ZNRF3: variants seen among roughly 807,000 people sequenced by gnomAD.
The protein encoded by ZNRF3 is zinc and ring finger 3.
In ZNRF3, 23 loss-of-function variants were observed where a neutral mutation model predicts 72.5. That is an observed-to-expected ratio of 0.32 (90% CI 0.23 to 0.45). ZNRF3 has a LOEUF of 0.45. Ranked by LOEUF, ZNRF3 falls within the 20% of genes least tolerant of loss-of-function variation. The pLI is 1.00. For synonymous variants in ZNRF3, 610 were observed against 545.3 expected (o/e 1.12, Z -1.65); for missense variants, 1,169 against 1,272.1 (o/e 0.92, Z 1.23).
At chr22:28,926,892 C>T (rs1335120483) in intron 1 of ZNRF3, among the ~76,000 whole-genome samples, 4 of 150,472 alleles carry the variant, frequency 2.7e-5, no homozygotes, top group African/African-American at 4.9e-5. Flanking sequence ...GAGGCTGAGG[C>T]GGGAGGATCA....
chr22:29,046,679 T>C, intron 5 of ZNRF3, 37 bp from the exon 6 acceptor site: 1 of 1,547,802 alleles, frequency 6.5e-7, no homozygotes. Context: ...CTTTCATACG[T>C]ACTGGACCCT....
chr22:29,034,999 CT>C (rs10607848), intron 2 of ZNRF3, among the ~76,000 whole-genome samples: 5,401 of 131,096 alleles, frequency 0.041, 187 homozygotes, highest in African/African-American at 0.091. Context: ...TTTGTTAGAC[CT>C]TTTTTTTTTT....
intron 4 of ZNRF3, 123 bp from the exon 5 acceptor site, chr22:29,044,657 G>T: frequency 1.4e-6 from 1 of 703,686 alleles, no homozygotes; most frequent in Admixed American, 2.1e-5. Flanking sequence ...GGAGTTTCCT[G>T]CAAATTGAGG....
chr22:29,052,653 A>C (rs1423155894), intron 8 of ZNRF3, among the ~76,000 whole-genome samples: 1 of 149,668 alleles, frequency 6.7e-6, no homozygotes, highest in African/African-American at 2.5e-5. Flanking sequence ...AGATCGCCCC[A>C]TCGTACTCCA....
At chr22:28,904,375 CT>C (rs1427854929) in intron 1 of ZNRF3, among the ~76,000 whole-genome samples, 1 of 152,180 alleles carries the variant, frequency 6.6e-6, no homozygotes, top group African/African-American at 2.4e-5. Flanking sequence ...ATTTAATGCC[CT>C]TATTAAAACT....
intron 1 of ZNRF3, among the ~76,000 whole-genome samples, chr22:28,926,317 A>G (rs372599574): frequency 9.2e-5 from 14 of 152,210 alleles, no homozygotes; most frequent in African/African-American, 3.4e-4. Flanking sequence ...TTTGAAGAAA[A>G]ATCTCTAAAC....
chr22:28,951,114 GTTAT>G (rs1272493185), intron 1 of ZNRF3, among the ~76,000 whole-genome samples: 1 of 152,132 alleles, frequency 6.6e-6, no homozygotes, highest in Non-Finnish European at 1.5e-5. Flanking sequence ...GGCTTCTGTA[GTTAT>G]TTAGTGTGAA....
At chr22:28,942,453 T>C (rs893297656) in intron 1 of ZNRF3, among the ~76,000 whole-genome samples, 3 of 152,224 alleles carry the variant, frequency 2.0e-5, no homozygotes, top group African/African-American at 4.8e-5. Context: ...TTCTTGTCCC[T>C]AGACCTTCAT....
At position 29,048,344 on chromosome 22, in the gene ZNRF3, C is replaced by A; in HGVS notation, c.913-45C>A. On this transcript the variant is annotated intron_variant, in intron 6 of 8. Transcript: ENST00000544604. This position sits in a 1 kb window ranked among gnomAD's most constrained non-coding sequence, Gnocchi z 4.9. Reference sequence around the variant, plus strand: ...TGCTGGACTCTGCAGGAGGACACACCTGCGAGGCTGAAGGCAGACTTGTGT... The same window carrying A: ...TGCTGGACTCTGCAGGAGGACACACATGCGAGGCTGAAGGCAGACTTGTGT... 1 of 1,559,766 alleles carries A rather than the reference C, an allele frequency of 6.4e-7. No individual in the cohort carries two copies. The highest frequency in any genetic ancestry group is 8.8e-7 in the Non-Finnish European group (1 of 1,132,800).
intron 1 of ZNRF3, among the ~76,000 whole-genome samples, chr22:28,950,551 C>T (rs1267775784): frequency 6.6e-6 from 1 of 152,156 alleles, no homozygotes; most frequent in Admixed American, 6.5e-5. Flanking sequence ...CCTTTCCTTT[C>T]TAACAAGAAA....
intron 1 of ZNRF3, among the ~76,000 whole-genome samples, chr22:28,944,163 A>C (rs532506343): frequency 1.3e-5 from 2 of 152,320 alleles, no homozygotes; most frequent in African/African-American, 2.4e-5. Context: ...TAGCAGTACA[A>C]TGTATCAAGA....
At chr22:28,951,019 T>C (rs1414992454) in intron 1 of ZNRF3, among the ~76,000 whole-genome samples, 3 of 152,264 alleles carry the variant, frequency 2.0e-5, no homozygotes, top group African/African-American at 7.2e-5. Flanking sequence ...GCACCTTGCC[T>C]GTGTTTCTCT....
At chr22:28,968,923 A>C (rs921278340) in intron 1 of ZNRF3, among the ~76,000 whole-genome samples, 33 of 152,152 alleles carry the variant, frequency 2.2e-4, no homozygotes, top group Non-Finnish European at 5.9e-5. Flanking sequence ...TTACTTCTCC[A>C]AGGACCTGTA....
At chr22:29,006,703 A>C (rs2123849088) in intron 2 of ZNRF3, among the ~76,000 whole-genome samples, 1 of 152,300 alleles carries the variant, frequency 6.6e-6, no homozygotes, top group East Asian at 1.9e-4. Context: ...GTATTACTAG[A>C]ATAAAGTGCA....
chr22:28,979,724 G>T (rs1378770417), intron 1 of ZNRF3, among the ~76,000 whole-genome samples: 1 of 152,202 alleles, frequency 6.6e-6, no homozygotes, highest in African/African-American at 2.4e-5. Flanking sequence ...CCAGGCCAGA[G>T]GTCATTTGTT....
chr22:29,052,446 GC>G lies in ZNRF3; in HGVS notation c.2768-1132del, dbSNP rs530683491. On this transcript the variant is annotated intron_variant, in intron 8 of 8. Coordinates refer to ENST00000544604, the MANE Select transcript of ZNRF3 (RefSeq NM_001206998.2). ...GCGGTGATTCACGCCTGTAATCCCA[GC>G]ACTTTGGGAGGCCAAGGCAGGCAGA... Among the ~76,000 whole-genome samples the G allele has an allele frequency of 4.4e-3, 663 of 152,326 alleles. 3 individuals carry two copies. Among genetic ancestry groups the G allele is most frequent in the Non-Finnish European group, 7.6e-3 (517 of 68,036 alleles).
At chr22:28,945,687 G>A (rs770355022) in intron 1 of ZNRF3, among the ~76,000 whole-genome samples, 5 of 152,002 alleles carry the variant, frequency 3.3e-5, no homozygotes, top group Non-Finnish European at 5.9e-5. Context: ...GCACCACCAC[G>A]CTGAGCTAAT....
At chr22:28,948,668 G>C (rs1022641667) in intron 1 of ZNRF3, among the ~76,000 whole-genome samples, 4 of 152,178 alleles carry the variant, frequency 2.6e-5, no homozygotes, top group Non-Finnish European at 5.9e-5. Context: ...AAAGGGAGGA[G>C]TATTTTATAG....
chr22:28,922,780 G>A (rs952442933), intron 1 of ZNRF3, among the ~76,000 whole-genome samples: 8 of 152,088 alleles, frequency 5.3e-5, no homozygotes, highest in Non-Finnish European at 1.0e-4. Flanking sequence ...ATCTATATGT[G>A]GCATGTTCCG....
Sources: gnomAD v4.1 joint callset for allele counts (sites outside exome capture counted in the v4.1 genomes callset) on GRCh38, gnomAD v4.1.1 for gene constraint, Gnocchi (gnomAD v3.1) non-coding constraint, MANE v1.5 for transcripts, NCBI Gene and HGNC (gene_info 2026-07-23, HGNC 2026-07-21) for gene names.